CPEB3: variants seen among roughly 807,000 people sequenced by gnomAD.
CPEB3 encodes cytoplasmic polyadenylation element-binding protein 3.
A neutral mutation model predicts 67.2 loss-of-function variants in CPEB3; 20 were observed. The observed-to-expected ratio is 0.30, with a 90% CI of 0.21 to 0.43. The LOEUF is 0.43. Ranked by LOEUF, CPEB3 falls within the 20% of genes least tolerant of loss-of-function variation. CPEB3 has a pLI of 1.00. For synonymous variants in CPEB3, 376 were observed against 393.1 expected (o/e 0.96, Z 0.51); for missense variants, 746 against 968.6 (o/e 0.77, Z 3.05).
chr10:92,097,340 G>A (rs1471128436), intron 7 of CPEB3, among the ~76,000 whole-genome samples: 1 of 152,192 alleles, frequency 6.6e-6, no homozygotes, highest in African/African-American at 2.4e-5. Context: ...ATGATCTTTG[G>A]CTTGAAGAGT....
intron 2 of CPEB3, among the ~76,000 whole-genome samples, chr10:92,209,166 C>G (rs76526351): frequency 0.023 from 3,429 of 152,252 alleles, 45 homozygotes; most frequent in Middle Eastern, 0.082. Flanking sequence ...AGTAATAAAG[C>G]TGTTATTTAA....
chr10:92,163,968 A>G (rs1052313761), intron 4 of CPEB3, among the ~76,000 whole-genome samples: 7 of 152,186 alleles, frequency 4.6e-5, no homozygotes, highest in African/African-American at 7.2e-5. Context: ...TTACTCTTAC[A>G]CATTCTTCTC....
chr10:92,157,636 C>T (rs1458028144), intron 4 of CPEB3, among the ~76,000 whole-genome samples: 1 of 151,992 alleles, frequency 6.6e-6, no homozygotes, highest in African/African-American at 2.4e-5. Context: ...CTGAATATAA[C>T]AGAAAAAAAT....
intron 4 of CPEB3, among the ~76,000 whole-genome samples, chr10:92,172,328 T>A (rs1848041542): frequency 6.6e-6 from 1 of 152,108 alleles, no homozygotes; most frequent in African/African-American, 2.4e-5. Flanking sequence ...TTTATTCATA[T>A]AACAAGAGTG....
At chr10:92,152,318 CG>C in intron 4 of CPEB3, among the ~76,000 whole-genome samples, 1 of 152,296 alleles carries the variant, frequency 6.6e-6, no homozygotes, top group Middle Eastern at 3.4e-3. Context: ...CAGCCCTAGG[CG>C]ACCACTAATC....
At chr10:92,212,290 A>T (rs1850135971) in intron 2 of CPEB3, among the ~76,000 whole-genome samples, 1 of 149,984 alleles carries the variant, frequency 6.7e-6, no homozygotes, top group South Asian at 2.1e-4. Context: ...GACAGTGTAC[A>T]ACAAGACAGT....
chr10:92,055,864 A>C (rs1207052583), intron 9 of CPEB3, among the ~76,000 whole-genome samples: 3 of 152,076 alleles, frequency 2.0e-5, no homozygotes, highest in South Asian at 2.1e-4. Context: ...ACAACAACAA[A>C]AAAATTAGCC....
At chr10:92,095,209 A>G (rs1198576572) in intron 7 of CPEB3, among the ~76,000 whole-genome samples, 2 of 152,054 alleles carry the variant, frequency 1.3e-5, no homozygotes, top group Non-Finnish European at 2.9e-5. Context: ...CCATTCCTTT[A>G]TTCTTGGCAT....
intron 4 of CPEB3, among the ~76,000 whole-genome samples, chr10:92,170,563 C>T (rs1847953033): frequency 6.6e-6 from 1 of 151,932 alleles, no homozygotes; most frequent in Non-Finnish European, 1.5e-5. Flanking sequence ...TAATAACCAC[C>T]TTGCTTTTAT....
At chr10:92,077,168 A>G (rs796713386) in intron 9 of CPEB3, among the ~76,000 whole-genome samples, 3 of 152,340 alleles carry the variant, frequency 2.0e-5, no homozygotes, top group African/African-American at 7.2e-5. Flanking sequence ...AGGAAATACA[A>G]AAGTGCTTAT....
chr10:92,201,124 T>C (rs991636107), intron 2 of CPEB3, among the ~76,000 whole-genome samples: 3 of 152,218 alleles, frequency 2.0e-5, no homozygotes, highest in Non-Finnish European at 1.5e-5. Context: ...AAGGAGTGAT[T>C]ATACAGCTTA....
At chr10:92,129,981 G>A (rs1195087047) in intron 6 of CPEB3, among the ~76,000 whole-genome samples, 1 of 152,130 alleles carries the variant, frequency 6.6e-6, no homozygotes, top group African/African-American at 2.4e-5. Flanking sequence ...AGGCTGCAGT[G>A]AGCCATGATT....
intron 4 of CPEB3, among the ~76,000 whole-genome samples, chr10:92,166,256 G>A (rs1847739364): frequency 1.3e-5 from 2 of 151,886 alleles, no homozygotes; most frequent in South Asian, 2.1e-4. Context: ...TTACAGGCGT[G>A]CACCACCATG....
chr10:92,129,993 T>C (rs1845772060), intron 6 of CPEB3, among the ~76,000 whole-genome samples: 1 of 152,074 alleles, frequency 6.6e-6, no homozygotes, highest in Non-Finnish European at 1.5e-5. Context: ...GCCATGATTG[T>C]ACTACTGCAC....
At chr10:92,088,529 AAG>A (rs754338390) in intron 8 of CPEB3, among the ~76,000 whole-genome samples, 2 of 151,990 alleles carry the variant, frequency 1.3e-5, no homozygotes, top group Non-Finnish European at 1.5e-5. Context: ...TTTTTTCTTT[AAG>A]AGGTGTTTGT....
At chr10:92,096,326 C>T (rs537673344) in intron 7 of CPEB3, among the ~76,000 whole-genome samples, 8 of 152,112 alleles carry the variant, frequency 5.3e-5, no homozygotes, top group South Asian at 4.2e-4. Context: ...ACATAGGTTA[C>T]GTCATTTTAT....
At chr10:92,224,551 T>C (rs927502661) in intron 2 of CPEB3, among the ~76,000 whole-genome samples, 1 of 151,788 alleles carries the variant, frequency 6.6e-6, no homozygotes, top group Non-Finnish European at 1.5e-5. Context: ...CACAACCTAG[T>C]CCCTCTGCTG....
chr10:92,187,369 AG>A (rs1564847699), intron 3 of CPEB3, among the ~76,000 whole-genome samples: 1 of 152,210 alleles, frequency 6.6e-6, no homozygotes, highest in Non-Finnish European at 1.5e-5. Flanking sequence ...ATGAATGGTG[AG>A]GGAAGAGAAA....
At chr10:92,236,276 A>C (rs141835511) in intron 2 of CPEB3, among the ~76,000 whole-genome samples, 1 of 152,248 alleles carries the variant, frequency 6.6e-6, no homozygotes, top group East Asian at 1.9e-4. Flanking sequence ...ATTAGCTAGA[A>C]CTGTAGGACC....
Sources: allele counts gnomAD v4.1 joint callset (sites outside exome capture counted in the v4.1 genomes callset), GRCh38; gene constraint gnomAD v4.1.1; transcripts MANE v1.5; gene names NCBI Gene and HGNC (gene_info 2026-07-23, HGNC 2026-07-21).